SORCS3: variants seen among roughly 807,000 people sequenced by gnomAD.
SORCS3 encodes the protein sortilin related VPS10 domain containing receptor 3.
SORCS3 carries 57 observed loss-of-function variants against 146.3 expected under a neutral mutation model. The observed-to-expected ratio is 0.39, with a 90% CI of 0.31 to 0.49. SORCS3 has a LOEUF of 0.49. Ranked by LOEUF, SORCS3 falls within the 20% of genes least tolerant of loss-of-function variation. The pLI, the probability that SORCS3 is intolerant of heterozygous loss-of-function variation, is 0.92. For synonymous variants in SORCS3, 653 were observed against 618.5 expected, an observed-to-expected ratio of 1.06 and a Z score of -0.83; for missense variants, 1,341 against 1,575.5, an observed-to-expected ratio of 0.85 and a Z score of 2.52.
chr10:105,008,730 T>TC (rs1418566297), intron 4 of SORCS3, among the ~76,000 whole-genome samples: 2 of 152,186 alleles, frequency 1.3e-5, no homozygotes, highest in Non-Finnish European at 2.9e-5. Flanking sequence ...CACTGCAACC[T>TC]CCCCCTCGGG....
In SORCS3 at chr10:105,014,088, C is replaced by CACAT. The variant is rs1564734913; in HGVS notation, c.955-28966_955-28965insCATA. ...ATATACATATATATATATATACACA[C>CACAT]ATATATATACATATATATATACACA... On this transcript the variant is annotated intron_variant, in intron 4 of 26. Transcript: ENST00000369701. 6.8e-5 allele frequency among the ~76,000 whole-genome samples: 9 copies of CACAT among 131,720 alleles called. No individual in the cohort carries two copies. In the East Asian group the frequency reaches 8.1e-4, roughly 12 times the overall value. 86.4% of individuals were successfully genotyped at this position (131,720 alleles called of 152,430 possible).
At chr10:104,700,250 C>T (rs2016264420) in intron 1 of SORCS3, among the ~76,000 whole-genome samples, 1 of 152,146 alleles carries the variant, frequency 6.6e-6, no homozygotes, top group African/African-American at 2.4e-5. Context: ...CAAACCTTAA[C>T]CAAATGAAAA....
At chr10:105,180,003 A>G (rs926347175) in intron 14 of SORCS3, among the ~76,000 whole-genome samples, 1 of 152,180 alleles carries the variant, frequency 6.6e-6, no homozygotes, top group East Asian at 1.9e-4. Flanking sequence ...CAGCCACTCT[A>G]AGGTTCTGTT....
At chr10:104,986,381 G>T (rs1010755165) in intron 4 of SORCS3, among the ~76,000 whole-genome samples, 4 of 152,184 alleles carry the variant, frequency 2.6e-5, no homozygotes, top group Non-Finnish European at 5.9e-5. Flanking sequence ...AATGTTGTGG[G>T]TGATTTGATC....
At chr10:105,111,391 C>T (rs118118199) in intron 7 of SORCS3, among the ~76,000 whole-genome samples, 3,362 of 152,240 alleles carry the variant, frequency 0.022, 77 homozygotes, top group Non-Finnish European at 0.031. Flanking sequence ...GCTTCTCCTG[C>T]TCTTAGCATA....
intron 3 of SORCS3, among the ~76,000 whole-genome samples, chr10:104,963,423 C>T (rs2054807279): frequency 6.6e-6 from 1 of 152,162 alleles, no homozygotes; most frequent in Admixed American, 6.6e-5. Context: ...GGACACTCTT[C>T]CCTAATATAC....
At chr10:105,144,251 T>C (rs754864958) in intron 8 of SORCS3, among the ~76,000 whole-genome samples, 3 of 152,116 alleles carry the variant, frequency 2.0e-5, no homozygotes, top group Non-Finnish European at 2.9e-5. Flanking sequence ...CCTCTAAGCA[T>C]TTGTACTCCA....
At chr10:104,777,069 C>T (rs770045243) in intron 1 of SORCS3, among the ~76,000 whole-genome samples, 16 of 152,172 alleles carry the variant, frequency 1.1e-4, no homozygotes, top group Middle Eastern at 3.4e-3. Context: ...GTACCTCTTG[C>T]GCTGCAGGTA....
chr10:104,868,450 C>T (rs867035869), intron 2 of SORCS3, among the ~76,000 whole-genome samples: 24 of 152,314 alleles, frequency 1.6e-4, no homozygotes, highest in African/African-American at 4.8e-4. Context: ...TCGCCTGCCA[C>T]GCTTCATGTA....
chr10:105,118,572 G>T (rs1213295477), intron 7 of SORCS3, among the ~76,000 whole-genome samples: 1 of 152,198 alleles, frequency 6.6e-6, no homozygotes, highest in African/African-American at 2.4e-5. Flanking sequence ...AGGCTCAGAA[G>T]AAGAAAGAAG....
At chr10:104,851,298 G>T (rs552280999) in intron 2 of SORCS3, among the ~76,000 whole-genome samples, 45 of 152,134 alleles carry the variant, frequency 3.0e-4, no homozygotes, top group Non-Finnish European at 5.4e-4. Context: ...TTGGCCAGTG[G>T]CTGAGAGAAT....
rs41291854 is a variant in SORCS3 at position 105,262,402 on chromosome 10, G to A, written c.3515G>A (p.Ser1172Asn). 0.013 allele frequency: 20,585 copies of A among 1,614,032 alleles called. 156 individuals carry two copies. Among genetic ancestry groups the A allele is most frequent in the Non-Finnish European group, 0.015 (18,116 of 1,179,946 alleles). Reference sequence around the variant, plus strand: ...GAGCAGGAGATGATTGGGTCAGTGAGCCAAAGTGAAAACGCCCCCAAAATC... The same window carrying A: ...GAGCAGGAGATGATTGGGTCAGTGAACCAAAGTGAAAACGCCCCCAAAATC... ...DKEQEMIGSV[S>N]QSENAPKITL... The change falls in exon 26 of 27, where the codon AGC (serine) becomes AAC (asparagine). Residue 1172 changes from serine to asparagine, a missense_variant. Transcript: ENST00000369701.
chr10:105,058,416 A>T (rs1480447083), intron 5 of SORCS3, among the ~76,000 whole-genome samples: 1 of 152,222 alleles, frequency 6.6e-6, no homozygotes, highest in African/African-American at 2.4e-5. Context: ...GAAGGATGTG[A>T]CAGTGAAATA....
intron 4 of SORCS3, among the ~76,000 whole-genome samples, chr10:105,037,417 C>T (rs2055313774): frequency 6.6e-6 from 1 of 152,138 alleles, no homozygotes; most frequent in Non-Finnish European, 1.5e-5. Flanking sequence ...CATAGAATTC[C>T]AAAATCAAGA....
chr10:105,224,575 A>G (rs1304618018), intron 20 of SORCS3, among the ~76,000 whole-genome samples: 1 of 151,642 alleles, frequency 6.6e-6, no homozygotes, highest in Non-Finnish European at 1.5e-5. Context: ...CTGTGGACAT[A>G]AGTTTTCGAC....
intron 20 of SORCS3, among the ~76,000 whole-genome samples, chr10:105,240,593 A>G (rs1208090341): frequency 2.0e-5 from 3 of 152,178 alleles, no homozygotes; most frequent in African/African-American, 7.2e-5. Flanking sequence ...AGACACCTAT[A>G]TTCTTTGTCC....
At chr10:105,101,774 C>T (rs571518982) in intron 6 of SORCS3, among the ~76,000 whole-genome samples, 4 of 152,236 alleles carry the variant, frequency 2.6e-5, no homozygotes, top group Admixed American at 6.5e-5. Flanking sequence ...AAGGTGTCCC[C>T]CTGTGTGTAC....
chr10:105,199,533 A>G (rs1015620431), intron 14 of SORCS3, among the ~76,000 whole-genome samples: 4 of 152,070 alleles, frequency 2.6e-5, no homozygotes, highest in South Asian at 4.1e-4. Flanking sequence ...CATTCCTTCT[A>G]CCCCAACACA....
chr10:105,066,044 T>G (rs769144826), intron 5 of SORCS3, among the ~76,000 whole-genome samples: 21 of 152,344 alleles, frequency 1.4e-4, no homozygotes, highest in Non-Finnish European at 1.0e-4. Flanking sequence ...GGAGTATCTC[T>G]GTTTAACTGC....
Sources: gnomAD v4.1 joint callset for allele counts (sites outside exome capture counted in the v4.1 genomes callset) on GRCh38, gnomAD v4.1.1 for gene constraint, MANE v1.5 for transcripts, NCBI Gene and HGNC (gene_info 2026-07-23, HGNC 2026-07-21) for gene names.